SKA2: variants seen among roughly 807,000 people sequenced by gnomAD.
SKA2 encodes the protein spindle and kinetochore-associated protein 2.
A neutral mutation model predicts 16.9 loss-of-function variants in SKA2; 13 were observed. The observed-to-expected ratio is 0.77, with a 90% CI of 0.50 to 1.22. The LOEUF is 1.22. Ranked by LOEUF, SKA2 falls within the 50% of genes most tolerant of loss-of-function variation. The pLI is 0.00. For missense variants in SKA2, 107 were observed against 139.7 expected, an observed-to-expected ratio of 0.77 and a Z score of 1.18; for synonymous variants, 47 against 48.5, an observed-to-expected ratio of 0.97 and a Z score of 0.13.
At chr17:59,141,464 G>A (rs1356380294) in intron 1 of SKA2, among the ~76,000 whole-genome samples, 3 of 151,970 alleles carry the variant, frequency 2.0e-5, no homozygotes, top group Non-Finnish European at 2.9e-5. Context: ...AGTGGCTCAG[G>A]CCTGTAATCC....
intron 1 of SKA2, among the ~76,000 whole-genome samples, chr17:59,154,622 C>G (rs930382846): frequency 7.2e-5 from 11 of 152,210 alleles, no homozygotes; most frequent in African/African-American, 2.7e-4. Flanking sequence ...GTTGTGCATA[C>G]AAGTCTAGCA....
In SKA2 at chr17:59,111,715, G is replaced by C. The variant is rs533426774; in HGVS notation, c.*562C>G. On this transcript the variant is annotated 3_prime_UTR_variant, in exon 4 of 4. Coordinates refer to ENST00000330137, the MANE Select transcript of SKA2 (RefSeq NM_182620.4). ...GAAATAGGGAAAGAAATACGCAAAC[G>C]TGGCTATCACAGAAAAGCCAGCTTA... 1 of 152,310 alleles carries C rather than the reference G, an allele frequency of 6.6e-6. No homozygotes were observed. 9.4% of individuals were successfully genotyped at this position (152,310 alleles called of 1,614,324 possible).
At chr17:59,148,650 T>A (rs180709490) in intron 1 of SKA2, among the ~76,000 whole-genome samples, 30 of 151,284 alleles carry the variant, frequency 2.0e-4, no homozygotes, top group African/African-American at 5.8e-4. Flanking sequence ...ACAAAAAAAA[T>A]TTTTTTAATT....
In SKA2 at chr17:59,112,237, A is replaced by G. The variant is rs1237792625; in HGVS notation, c.*40T>C. On this transcript the variant is annotated 3_prime_UTR_variant, in exon 4 of 4. Coordinates refer to ENST00000330137, the MANE Select transcript of SKA2 (RefSeq NM_182620.4). ...ATCTTCCTAAATTTCTCCGGAATTAAGCTCTTCTCTGTTAGAATTTCCTTT... is the reference window on the plus strand; with the variant it reads ...ATCTTCCTAAATTTCTCCGGAATTAGGCTCTTCTCTGTTAGAATTTCCTTT... 1.3e-6 allele frequency: 2 copies of G among 1,516,482 alleles called. No individual in the cohort carries two copies. The highest frequency in any genetic ancestry group is 2.8e-5 in the African/African-American group (2 of 72,068). The allele number at this position is 1,516,482 out of a possible 1,614,324, so 93.9% of individuals were successfully genotyped here.
rs1260438530 is a variant in SKA2 at position 59,112,063 on chromosome 17, T to C, written c.*214A>G. On this transcript the variant is annotated 3_prime_UTR_variant, in exon 4 of 4. Transcript: ENST00000330137. Reference sequence around the variant, plus strand: ...TGTACATATATTTAAATCGTTTTATTCTCATTTGATCCTTTTGGCTGAACT... The same window carrying C: ...TGTACATATATTTAAATCGTTTTATCCTCATTTGATCCTTTTGGCTGAACT... The C allele has an allele frequency of 7.4e-6, 4 of 542,420 alleles. No homozygotes were observed. Among genetic ancestry groups the C allele is most frequent in the African/African-American group, 1.9e-5 (1 of 51,614 alleles). The allele number at this position is 542,420 out of a possible 1,614,324, so 33.6% of individuals were successfully genotyped here. A position where few individuals can be genotyped will look rare whatever the true frequency, so the allele number is the denominator to read the frequency against.
chr17:59,132,066 T>G (rs143454846), intron 1 of SKA2, among the ~76,000 whole-genome samples: 2,183 of 152,198 alleles, frequency 0.014, 21 homozygotes, highest in Non-Finnish European at 0.022. Context: ...TTTAAAAATA[T>G]CAGTATTGGC....
intron 2 of SKA2, among the ~76,000 whole-genome samples, chr17:59,121,653 CAAA>C (rs147114598): frequency 2.0e-5 from 2 of 101,736 alleles, no homozygotes; most frequent in African/African-American, 7.4e-5. Context: ...AACTCCCTCT[CAAA>C]AAAAAAAAAA....
chr17:59,119,393 T>C lies in SKA2; in HGVS notation c.223A>G (p.Lys75Glu). ...TTCACAGTAGCACAAATGCGGCTCT[T>C]ACTCTCTTTCTGCTCAACAGCAACT... ...KPVAVEQKESKSRICATVKKT... is the reference protein window; with the variant it reads ...KPVAVEQKESESRICATVKKT... Residue 75 changes from lysine to glutamate, a missense_variant, in exon 3 of 4, where the codon AAG becomes GAG. Lys to Glu is a moderately conservative substitution (Grantham distance 56). Transcript: ENST00000330137. 3 of 1,614,016 alleles carry C rather than the reference T, an allele frequency of 1.9e-6. No individual in the cohort carries two copies. Among genetic ancestry groups the C allele is most frequent in the South Asian group, 2.2e-5 (2 of 91,088 alleles).
chr17:59,129,608 A>G (rs956935822), intron 2 of SKA2: 2 of 152,558 alleles, frequency 1.3e-5, no homozygotes, highest in African/African-American at 4.8e-5. Context: ...GACTAATCCC[A>G]GCACTTTAGG....
chr17:59,129,819 A>C (rs533580380), intron 2 of SKA2, among the ~76,000 whole-genome samples: 4 of 150,012 alleles, frequency 2.7e-5, no homozygotes, highest in African/African-American at 7.4e-5. Flanking sequence ...CACACCCCTG[A>C]ACTCCAGCCT....
At chr17:59,144,966 T>G (rs1293712938) in intron 1 of SKA2, among the ~76,000 whole-genome samples, 1 of 152,032 alleles carries the variant, frequency 6.6e-6, no homozygotes, top group Non-Finnish European at 1.5e-5. Context: ...CCAGCTAATT[T>G]TTTGTATTTT....
intron 1 of SKA2, among the ~76,000 whole-genome samples, chr17:59,146,764 A>G (rs1273095989): frequency 3.3e-5 from 5 of 152,268 alleles, no homozygotes; most frequent in African/African-American, 1.2e-4. Flanking sequence ...TTCTGGGCTC[A>G]AATGATCCTC....
intron 1 of SKA2, among the ~76,000 whole-genome samples, chr17:59,134,712 T>A (rs1257299193): frequency 6.6e-6 from 1 of 151,906 alleles, no homozygotes; most frequent in African/African-American, 2.4e-5. Context: ...TGTCCTAAAT[T>A]TGGCAACTGA....
chr17:59,141,127 A>T (rs1157351319), intron 1 of SKA2, among the ~76,000 whole-genome samples: 1 of 152,066 alleles, frequency 6.6e-6, no homozygotes, highest in Non-Finnish European at 1.5e-5. Flanking sequence ...GGCTGGGCAC[A>T]GTGGCGCATG....
At chr17:59,117,508 T>C (rs1340527502) in intron 3 of SKA2, among the ~76,000 whole-genome samples, 1 of 152,156 alleles carries the variant, frequency 6.6e-6, no homozygotes, top group East Asian at 1.9e-4. Context: ...AGGATCCTTC[T>C]GCCCCAAATA....
At chr17:59,136,477 TAGTGA>T (rs1260429603) in intron 1 of SKA2, among the ~76,000 whole-genome samples, 3 of 151,800 alleles carry the variant, frequency 2.0e-5, no homozygotes, top group African/African-American at 7.3e-5. Flanking sequence ...ACTGGCTTAT[TAGTGA>T]AGTCAGTGGG....
intron 1 of SKA2, among the ~76,000 whole-genome samples, chr17:59,138,213 T>C (rs901377816): frequency 2.8e-4 from 43 of 151,988 alleles, no homozygotes; most frequent in African/African-American, 9.9e-4. Context: ...GAAAAAAGTC[T>C]ATGGAAATCA....
intron 2 of SKA2, 97 bp downstream of exon 2, chr17:59,131,184 A>G: frequency 1.3e-6 from 1 of 763,206 alleles, no homozygotes; most frequent in South Asian, 2.5e-5. Flanking sequence ...TAATAATATA[A>G]TTCTTATGAT....
chr17:59,115,404 C>A (rs2046289778), intron 3 of SKA2, among the ~76,000 whole-genome samples: 1 of 152,024 alleles, frequency 6.6e-6, no homozygotes, highest in Non-Finnish European at 1.5e-5. Context: ...AATAGGACAG[C>A]CCAAATCTAG....
Sources: gnomAD v4.1 joint callset for allele counts (sites outside exome capture counted in the v4.1 genomes callset) on GRCh38, gnomAD v4.1.1 for gene constraint, MANE v1.5 for transcripts, NCBI Gene and HGNC (gene_info 2026-07-23, HGNC 2026-07-21) for gene names.